The following PTPRT variants were observed in gnomAD, a reference collection of about 807,000 sequenced individuals.
PTPRT encodes the protein receptor-type tyrosine-protein phosphatase T.
A neutral mutation model predicts 176.8 loss-of-function variants in PTPRT; 56 were observed. The observed-to-expected ratio is 0.32, with a 90% CI of 0.26 to 0.40. PTPRT has a LOEUF of 0.40. Among genes scored for constraint, PTPRT ranks in the 10% least tolerant of loss-of-function variants. PTPRT has a pLI of 1.00. For synonymous variants in PTPRT, 783 were observed against 739.0 expected, an observed-to-expected ratio of 1.06 and a Z score of -0.96; for missense variants, 1,540 against 1,908.2, an observed-to-expected ratio of 0.81 and a Z score of 3.60.
intron 2 of PTPRT, among the ~76,000 whole-genome samples, chr20:42,882,661 C>T (rs1451650109): frequency 6.6e-6 from 1 of 152,178 alleles, no homozygotes; most frequent in Non-Finnish European, 1.5e-5. Context: ...CAACAAATTG[C>T]TAATTTAGTA....
intron 13 of PTPRT, among the ~76,000 whole-genome samples, chr20:42,280,280 A>G (rs2057117423): frequency 6.6e-6 from 1 of 152,172 alleles, no homozygotes; most frequent in Non-Finnish European, 1.5e-5. Flanking sequence ...ACACTCATCA[A>G]ACACAGGTCT....
At chr20:42,327,080 G>GGTGT (rs139401290) in intron 11 of PTPRT, among the ~76,000 whole-genome samples, 5,099 of 146,390 alleles carry the variant, frequency 0.035, 108 homozygotes, top group African/African-American at 0.082. Context: ...ACTAGGTAGG[G>GGTGT]GTGTGTGTGT....
In PTPRT at chr20:42,674,415, T is replaced by G. The variant is rs138421691; in HGVS notation, c.1153+3451A>C. ...AACAGTTTGCAATAGACTGTAAATC[T>G]TTATTGAGATGATCATCTTGCGATT... On this transcript the variant is annotated intron_variant, in intron 7 of 30. Transcript: ENST00000373187. 1.5e-3 allele frequency among the ~76,000 whole-genome samples: 221 copies of G among 152,340 alleles called. 2 individuals are homozygous for G. The highest frequency in any genetic ancestry group is 5.1e-3 in the African/African-American group (214 of 41,588).
intron 19 of PTPRT, among the ~76,000 whole-genome samples, chr20:42,127,474 C>T (rs774203213): frequency 6.6e-6 from 1 of 152,142 alleles, no homozygotes; most frequent in Non-Finnish European, 1.5e-5. Context: ...CAAAATAGAT[C>T]TGAGGGCAAG....
chr20:42,573,064 T>C (rs1410070554), intron 7 of PTPRT, among the ~76,000 whole-genome samples: 1 of 152,106 alleles, frequency 6.6e-6, no homozygotes, highest in East Asian at 1.9e-4. Context: ...TCCAGCACCT[T>C]AGCTCAACAA....
intron 7 of PTPRT, among the ~76,000 whole-genome samples, chr20:42,543,092 T>C (rs961906166): frequency 6.6e-6 from 1 of 152,188 alleles, no homozygotes; most frequent in African/African-American, 2.4e-5. Context: ...TTGCTGAATG[T>C]TGGAGTGGCT....
chr20:42,363,239 C>G (rs571849549), intron 9 of PTPRT, among the ~76,000 whole-genome samples: 2 of 140,156 alleles, frequency 1.4e-5, no homozygotes, highest in Non-Finnish European at 3.1e-5. Context: ...CACCCCTCCA[C>G]CCCTCACATT....
rs76734314 is a variant in PTPRT, at chr20:42,521,043, C to A, written c.1154-48481G>T. Among the ~76,000 whole-genome samples the A allele has an allele frequency of 3.6e-3, 546 of 151,948 alleles. 6 individuals carry two copies. Among genetic ancestry groups the A allele is most frequent in the African/African-American group, 0.013 (520 of 41,458 alleles). On this transcript the variant is annotated intron_variant, in intron 7 of 30. Transcript: ENST00000373187. ...TCTAATCCATCCATCCATCCATCCA[C>A]CCACCCACCTACCTATATACATACA...
chr20:42,555,301 G>A (rs1328169156), intron 7 of PTPRT, among the ~76,000 whole-genome samples: 1 of 152,138 alleles, frequency 6.6e-6, no homozygotes, highest in Non-Finnish European at 1.5e-5. Flanking sequence ...TACTTTCCCA[G>A]GGTCTGAGGA....
intron 24 of PTPRT, among the ~76,000 whole-genome samples, chr20:42,105,034 G>T (rs534992883): frequency 6.6e-6 from 1 of 152,292 alleles, no homozygotes; most frequent in Admixed American, 6.5e-5. Context: ...TTTACCTGAG[G>T]AAGGCTGCTT....
chr20:42,276,542 TA>T lies in PTPRT; in HGVS notation c.2176+5946del, dbSNP rs1568731801. On this transcript the variant is annotated intron_variant, in intron 13 of 30. Transcript: ENST00000373187. Reference sequence around the variant, plus strand: ...ATATATATATATATATATATATATATATATATATATATATATAATGTTCTTG... The same window carrying T: ...ATATATATATATATATATATATATATTATATATATATATATAATGTTCTTG... 8.8e-5 allele frequency among the ~76,000 whole-genome samples: 5 copies of T among 56,812 alleles called. 1 individual carries two copies. The East Asian group carries it at 2.3e-3, about 26-fold the overall frequency. 37.3% of individuals were successfully genotyped at this position (56,812 alleles called of 152,430 possible).
downstream of PTPRT, among the ~76,000 whole-genome samples, chr20:42,071,132 A>G (rs1319645573): frequency 6.6e-6 from 1 of 152,198 alleles, no homozygotes; most frequent in Non-Finnish European, 1.5e-5. Flanking sequence ...TTCCTCAGGC[A>G]GAAGAACCCT....
chr20:42,918,043 G>T (rs921002014), intron 1 of PTPRT, among the ~76,000 whole-genome samples: 12 of 152,112 alleles, frequency 7.9e-5, no homozygotes, highest in Non-Finnish European at 1.8e-4. Context: ...GAGCTCAGGT[G>T]CCTAGGTCCT....
intron 7 of PTPRT, among the ~76,000 whole-genome samples, chr20:42,630,751 T>C (rs1177769978): frequency 1.3e-5 from 2 of 152,210 alleles, no homozygotes; most frequent in Non-Finnish European, 1.5e-5. Context: ...CAAAGGGTTA[T>C]TAGCGATTGC....
intron 1 of PTPRT, among the ~76,000 whole-genome samples, chr20:42,989,568 G>A (rs948594324): frequency 1.3e-5 from 2 of 152,124 alleles, no homozygotes; most frequent in African/African-American, 2.4e-5. Context: ...CCCTAGAAAC[G>A]AGTATTGGTT....
chr20:42,342,247 C>A (rs1489497290), intron 11 of PTPRT, among the ~76,000 whole-genome samples: 1 of 152,226 alleles, frequency 6.6e-6, no homozygotes, highest in Non-Finnish European at 1.5e-5. Context: ...GAGAAGGGCA[C>A]TACAGTAACA....
At chr20:42,287,337 G>T (rs1479050379) in intron 12 of PTPRT, among the ~76,000 whole-genome samples, 2 of 151,864 alleles carry the variant, frequency 1.3e-5, no homozygotes, top group Admixed American at 6.6e-5. Context: ...CAAACTAGGT[G>T]TCCAAAACCA....
chr20:42,366,032 T>A (rs982918036), intron 9 of PTPRT, among the ~76,000 whole-genome samples: 2 of 152,160 alleles, frequency 1.3e-5, no homozygotes, highest in Admixed American at 1.3e-4. Context: ...GCCCATGACT[T>A]CCCTCCTGCT....
chr20:42,465,982 G>A (rs1010428103), intron 8 of PTPRT, among the ~76,000 whole-genome samples: 1 of 152,080 alleles, frequency 6.6e-6, no homozygotes, highest in Non-Finnish European at 1.5e-5. Context: ...GTGTCCATGT[G>A]TTCTCATTGT....
Sources: allele counts gnomAD v4.1 joint callset (sites outside exome capture counted in the v4.1 genomes callset), GRCh38; gene constraint gnomAD v4.1.1; transcripts MANE v1.5; gene names NCBI Gene and HGNC (gene_info 2026-07-23, HGNC 2026-07-21).